The following ANGEL2 variants were observed in gnomAD, a reference collection of about 807,000 sequenced individuals.
The protein encoded by ANGEL2 is RNA 2',3'-cyclic phosphatase ANGEL2.
ANGEL2 carries 41 observed loss-of-function variants against 66.0 expected under a neutral mutation model. The ratio of observed to expected loss-of-function variants is 0.62; its 90% CI spans 0.48 to 0.81. ANGEL2 has a LOEUF of 0.81. ANGEL2 is among the 30% of genes least tolerant of loss of function. The pLI is 0.00. For synonymous variants in ANGEL2, 208 were observed against 226.5 expected (o/e 0.92, Z 0.73); for missense variants, 561 against 641.6 (o/e 0.87, Z 1.36).
intron 5 of ANGEL2, among the ~76,000 whole-genome samples, chr1:213,004,209 A>T (rs1008695473): frequency 4.6e-5 from 7 of 152,180 alleles, no homozygotes; most frequent in African/African-American, 1.7e-4. Context: ...TCAAAAAAAA[A>T]AATAAATAAT....
rs757588975 is a variant in ANGEL2 at position 213,005,379 on chromosome 1, A to T, written c.788T>A (p.Phe263Tyr). 4.3e-6 allele frequency: 7 copies of T among 1,614,216 alleles called. No individual in the cohort carries two copies. Among genetic ancestry groups the T allele is most frequent in the Non-Finnish European group, 5.9e-6 (7 of 1,180,036 alleles). Residue 263 changes from phenylalanine (F) to tyrosine (Y), a missense_variant, in exon 5 of 9, where the codon TTT becomes TAT. Physicochemically the swap from Phe to Tyr is conservative, Grantham distance 22. Coordinates refer to ENST00000366962, the MANE Select transcript of ANGEL2 (RefSeq NM_144567.5). Reference sequence around the variant, plus strand: ...CACTGGGTTCACTGACAAGAGTGAAAATTTGGAATGTTTGAAGCAAATAGC... The same window carrying T: ...CACTGGGTTCACTGACAAGAGTGAATATTTGGAATGTTTGAAGCAAATAGC... ...GCAICFKHSK[F>Y]SLLSVNPVEF...
intron 5 of ANGEL2, among the ~76,000 whole-genome samples, chr1:213,004,713 C>A (rs139916120): frequency 1.3e-4 from 19 of 151,666 alleles, no homozygotes; most frequent in African/African-American, 4.6e-4. Context: ...ACTAAAAATA[C>A]AAAAATTAGC....
At position 213,008,209 on chromosome 1, in the gene ANGEL2, C is replaced by T. The variant is rs754189700; in HGVS notation, c.642+1G>A. 3.1e-6 allele frequency: 5 copies of T among 1,611,956 alleles called. No individual in the cohort carries two copies. Among genetic ancestry groups the T allele is most frequent in the South Asian group, 1.1e-5 (1 of 90,718 alleles). On this transcript the variant is annotated splice_donor_variant, in intron 3 of 8. Coordinates refer to ENST00000366962, the MANE Select transcript of ANGEL2 (RefSeq NM_144567.5). LOFTEE classifies it high-confidence loss of function. ...GAATTTCAATAATATTTTGCACTTA[C>T]GTCTGCATCAAAATGTTTAATTTCT...
chr1:213,005,144 G>A lies in ANGEL2; in HGVS notation c.1023C>T (p.Gly341=). The change falls in exon 5 of 9, where the codon GGC becomes GGT. Residue 341 remains glycine, a synonymous_variant. Transcript: ENST00000366962. The part of the protein sequence containing the change: ...EISSVAHQKD[G]SFCPIVMCGD... ...CACACATAACAATAGGGCAGAAGCT[G>A]CCATCTTTCTGGTGGGCAACACTGG... is the stretch of plus-strand genomic sequence containing the variant. 6.2e-7 allele frequency: 1 copy of A among 1,614,144 alleles called. No homozygotes were observed. Among genetic ancestry groups the A allele is most frequent in the Non-Finnish European group, 8.5e-7 (1 of 1,180,026 alleles).
intron 2 of ANGEL2, among the ~76,000 whole-genome samples, chr1:213,010,385 C>A (rs2076472057): frequency 6.6e-6 from 1 of 151,654 alleles, no homozygotes; most frequent in African/African-American, 2.4e-5. Context: ...TCCTGGCTAA[C>A]ACCGTGAAAC....
intron 7 of ANGEL2, among the ~76,000 whole-genome samples, chr1:212,998,449 A>T (rs1437809600): frequency 6.6e-6 from 1 of 151,856 alleles, no homozygotes; most frequent in Non-Finnish European, 1.5e-5. Flanking sequence ...CTTATCTATC[A>T]ATTTTTCAGT....
chr1:213,011,590 T>C, intron 2 of ANGEL2: 1 of 441,482 alleles, frequency 2.3e-6, no homozygotes, highest in African/African-American at 2.1e-5. Context: ...AACAGTGTGT[T>C]AGGCACTTTG....
At chr1:213,008,805 G>A in intron 2 of ANGEL2, among the ~76,000 whole-genome samples, 1 of 152,230 alleles carries the variant, frequency 6.6e-6, no homozygotes, top group East Asian at 1.9e-4. Flanking sequence ...CCACAGATGT[G>A]ATTGGCAGTT....
In ANGEL2 at chr1:213,013,233, C is replaced by G; in HGVS notation, c.245G>C (p.Cys82Ser). The G allele has an allele frequency of 6.2e-7, 1 of 1,614,162 alleles. No individual in the cohort carries two copies. The highest frequency in any genetic ancestry group is 8.5e-7 in the Non-Finnish European group (1 of 1,180,018). Reference protein sequence around the residue: ...RHFSLNWRPPCLFESRTQFQY... With the variant: ...RHFSLNWRPPSLFESRTQFQY... The stretch of plus-strand genomic sequence containing the variant: ...GAACTGAGTTCTAGACTCAAACAAA[C>G]AGGGTGGTCTCCAATTTAGTGAAAA... The change falls in exon 2 of 9, where the codon TGT (cysteine) becomes TCT (serine). Residue 82 changes from cysteine (C) to serine (S), a missense_variant. Cys to Ser is a moderately radical substitution (Grantham distance 112). Coordinates refer to ENST00000366962, the MANE Select transcript of ANGEL2 (RefSeq NM_144567.5).
intron 1 of ANGEL2, chr1:213,015,301 G>A: frequency 7.7e-7 from 1 of 1,306,954 alleles, no homozygotes; most frequent in Non-Finnish European, 9.8e-7. Flanking sequence ...GGCCAGCGCT[G>A]GTCTGGAGGC....
At chr1:212,998,368 C>CCA (rs2076083533) in intron 7 of ANGEL2, among the ~76,000 whole-genome samples, 4 of 151,806 alleles carry the variant, frequency 2.6e-5, no homozygotes, top group Admixed American at 1.3e-4. Flanking sequence ...TGCCACTGCA[C>CCA]TCTAGCCTGG....
In ANGEL2 at chr1:213,008,311, C is replaced by T. The variant is rs755923085; in HGVS notation, c.541G>A (p.Glu181Lys). The T allele has an allele frequency of 3.1e-6, 5 of 1,614,058 alleles. No homozygotes were observed. Among genetic ancestry groups the T allele is most frequent in the Admixed American group, 1.7e-5 (1 of 59,998 alleles). The change falls in exon 3 of 9, where the codon GAA (glutamate) becomes AAA (lysine). Residue 181 changes from glutamate to lysine, a missense_variant. Glu to Lys is a moderately conservative substitution (Grantham distance 56). Transcript: ENST00000366962. ...TGTCTATAAAGGTGAGAGTTATCTT[C>T]CAGTAAATCTTGTGAAAGTATATTA... ...SYNILSQDLLEDNSHLYRHCR... is the reference protein window; with the variant it reads ...SYNILSQDLLKDNSHLYRHCR...
intron 2 of ANGEL2, among the ~76,000 whole-genome samples, chr1:213,012,613 T>C (rs1485068858): frequency 6.6e-6 from 1 of 152,158 alleles, no homozygotes; most frequent in Admixed American, 6.5e-5. Context: ...TAAATGAAAA[T>C]CTTATCCTAT....
chr1:213,012,643 A>G (rs2076537822), intron 2 of ANGEL2, among the ~76,000 whole-genome samples: 1 of 152,218 alleles, frequency 6.6e-6, no homozygotes, highest in Non-Finnish European at 1.5e-5. Flanking sequence ...TCTTCCATTT[A>G]TGATTGCTTC....
intron 8 of ANGEL2, among the ~76,000 whole-genome samples, chr1:212,996,055 C>T (rs577718145): frequency 2.0e-4 from 30 of 152,330 alleles, no homozygotes; most frequent in African/African-American, 7.2e-4. Context: ...CGCCTGTAAT[C>T]CCAGCACTTT....
chr1:212,995,222 T>C, intron 8 of ANGEL2, 30 bp from the exon 9 acceptor site: 3 of 1,564,166 alleles, frequency 1.9e-6, no homozygotes, highest in South Asian at 1.2e-5. Context: ...ACATATTTAG[T>C]AAAATTGTCA....
In ANGEL2 at chr1:212,997,184, G is replaced by C; in HGVS notation, c.1454C>G (p.Ala485Gly). The change falls in exon 8 of 9, where the codon GCA (alanine) becomes GGA (glycine). Residue 485 changes from alanine (A) to glycine (G), a missense_variant. By Grantham distance (60) the Ala-to-Gly change is moderately conservative. Transcript: ENST00000366962. Reference protein sequence around the residue: ...AITVDYIFYSAEKEDVAGHPG... With the variant: ...AITVDYIFYSGEKEDVAGHPG... ...GTGCCCAGCAACATCTTCCTTTTCT[G>C]CAGAGTAGAAAATATAATCCACAGT... is the stretch of plus-strand genomic sequence containing the variant. 6.2e-7 allele frequency: 1 copy of C among 1,613,442 alleles called. No individual in the cohort carries two copies. Among genetic ancestry groups the C allele is most frequent in the Non-Finnish European group, 8.5e-7 (1 of 1,179,476 alleles).
intron 7 of ANGEL2, among the ~76,000 whole-genome samples, chr1:212,999,015 C>T (rs1479138797): frequency 6.6e-6 from 1 of 151,936 alleles, no homozygotes; most frequent in African/African-American, 2.4e-5. Flanking sequence ...TGGGATTACA[C>T]GTGCATGCCA....
intron 4 of ANGEL2, 24 bp downstream of exon 4, chr1:213,007,105 A>G (rs2076354649): frequency 6.2e-7 from 1 of 1,605,790 alleles, no homozygotes; most frequent in Non-Finnish European, 8.5e-7. Flanking sequence ...AAAAGAAAAA[A>G]AAAAAAAAAA....
Sources: gnomAD v4.1 joint callset for allele counts (sites outside exome capture counted in the v4.1 genomes callset) on GRCh38, gnomAD v4.1.1 for gene constraint, MANE v1.5 for transcripts, NCBI Gene and HGNC (gene_info 2026-07-23, HGNC 2026-07-21) for gene names.